Variants in OLAH observed in about 807,000 individuals in gnomAD.
OLAH encodes the protein S-acyl fatty acid synthase thioesterase, medium chain.
In OLAH, 33 loss-of-function variants were observed where a neutral mutation model predicts 27.8. That is an observed-to-expected ratio of 1.19 (90% CI 0.90 to 1.59). The LOEUF (loss-of-function observed/expected upper bound fraction) is 1.59. Among genes scored for constraint, OLAH ranks in the 40% most tolerant of loss-of-function variants. The pLI, the probability that OLAH is intolerant of heterozygous loss-of-function variation, is 0.00. For missense variants in OLAH, 359 were observed against 310.8 expected (o/e 1.16, Z -1.17); for synonymous variants, 120 against 102.9 (o/e 1.17, Z -1.01).
rs1264021756 is a variant in OLAH, at chr10:15,051,078, A to ATTAT, written c.163+1315_163+1316insATTT. 1.7e-4 allele frequency among the ~76,000 whole-genome samples: 23 copies of ATTAT among 134,840 alleles called. 1 individual carries two copies. The highest frequency in any genetic ancestry group is 6.3e-4 in the African/African-American group (22 of 35,036). The allele number at this position is 134,840 out of a possible 152,430, so 88.5% of individuals were successfully genotyped here. A position where few individuals can be genotyped will look rare whatever the true frequency, so the allele number is the denominator to read the frequency against. ...AAGACTGTTTATTATTATTATTATT[A>ATTAT]TTTTTTTTTTTTTTTGAGATGGAGT... On this transcript the variant is annotated intron_variant, in intron 3 of 7. Transcript: ENST00000378228.
In OLAH at chr10:15,061,850, T is replaced by G; in HGVS notation, c.290T>G (p.Phe97Cys). The G allele has an allele frequency of 3.1e-6, 5 of 1,613,126 alleles. No homozygotes were observed. In the South Asian group the frequency reaches 4.4e-5, roughly 14 times the overall value. Residue 97 changes from phenylalanine (F) to cysteine (C), a missense_variant, in exon 4 of 8, where the codon TTT (phenylalanine) becomes TGT (cysteine). Physicochemically the swap from Phe to Cys is radical, Grantham distance 205. Transcript: ENST00000378228. ...GTCATCCAGGATAAACCATTTGCATTTTTTGGCCACAGGTATTTGATATCT... is the reference window on the plus strand; with the variant it reads ...GTCATCCAGGATAAACCATTTGCATGTTTTGGCCACAGGTATTTGATATCT... The part of the protein sequence containing the change: ...QPVIQDKPFA[F>C]FGHSMGSYIA...
intron 3 of OLAH, among the ~76,000 whole-genome samples, chr10:15,052,934 G>T (rs576162260): frequency 5.4e-4 from 81 of 150,394 alleles, no homozygotes; most frequent in Non-Finnish European, 9.3e-4. Context: ...AGAGACGGGG[G>T]TTCACCATGT....
intron 3 of OLAH, among the ~76,000 whole-genome samples, chr10:15,061,074 T>C (rs893498732): frequency 1.3e-5 from 2 of 152,064 alleles, no homozygotes; most frequent in African/African-American, 4.8e-5. Context: ...TTCTATAAAT[T>C]TGAAGTTTAT....
intron 3 of OLAH, among the ~76,000 whole-genome samples, chr10:15,059,060 TTCCTTCCCTCTCTCCTTCCCTTCCTTCCC>T (rs1844307091): frequency 1.3e-5 from 1 of 74,470 alleles, no homozygotes; most frequent in Non-Finnish European, 2.8e-5. Flanking sequence ...ATCCCTTCCC[TTCCTTCCCTCTCTCCTTCCCTTCCTTCCC>T]TCCCTCCCTC....
At chr10:15,060,948 C>A (rs74123267) in intron 3 of OLAH, among the ~76,000 whole-genome samples, 3,380 of 152,206 alleles carry the variant, frequency 0.022, 120 homozygotes, top group African/African-American at 0.076. Context: ...ATGTTTGATT[C>A]TGGAGATGCT....
chr10:15,036,415 C>T (rs1201317696), intron 1 of OLAH, among the ~76,000 whole-genome samples: 5 of 151,744 alleles, frequency 3.3e-5, no homozygotes, highest in South Asian at 4.2e-4. Context: ...GGAGAATCGC[C>T]GAACCTGGGA....
chr10:15,060,948 CTGG>C (rs1564532264), intron 3 of OLAH, among the ~76,000 whole-genome samples: 3 of 152,096 alleles, frequency 2.0e-5, no homozygotes, highest in Non-Finnish European at 2.9e-5. Flanking sequence ...ATGTTTGATT[CTGG>C]AGATGCTTAG....
intron 3 of OLAH, among the ~76,000 whole-genome samples, chr10:15,052,254 G>C (rs1455131645): frequency 6.6e-6 from 1 of 152,152 alleles, no homozygotes; most frequent in East Asian, 1.9e-4. Flanking sequence ...CTGCACTCCA[G>C]CCTGGGCCAC....
chr10:15,042,954 G>A (rs886088446), upstream of OLAH, among the ~76,000 whole-genome samples: 15 of 137,130 alleles, frequency 1.1e-4, no homozygotes, highest in Non-Finnish European at 1.8e-4. Flanking sequence ...TCCGCCTCCC[G>A]GGTTCACACC....
At chr10:15,041,903 T>C (rs892466798), upstream of OLAH, among the ~76,000 whole-genome samples, 1 of 152,020 alleles carries the variant, frequency 6.6e-6, no homozygotes, top group Non-Finnish European at 1.5e-5. Context: ...TGGCATCCTC[T>C]GGGCTCTTCC....
At chr10:15,043,411 T>G (rs775761552), upstream of OLAH, among the ~76,000 whole-genome samples, 1 of 152,126 alleles carries the variant, frequency 6.6e-6, no homozygotes, top group Non-Finnish European at 1.5e-5. Context: ...AACTTGATTT[T>G]ACTGTCTAGT....
rs1422972011 is a variant in OLAH at position 15,073,436 on chromosome 10, G to A, written c.*207G>A. Reference sequence around the variant, plus strand: ...AGCACTTTGGGAGGCCAAGGCGGGCGGATCACGAGGTCAGGAGATCGAGAC... The same window carrying A: ...AGCACTTTGGGAGGCCAAGGCGGGCAGATCACGAGGTCAGGAGATCGAGAC... On this transcript the variant is annotated 3_prime_UTR_variant, in exon 8 of 8. Coordinates refer to ENST00000378228, the MANE Select transcript of OLAH (RefSeq NM_001039702.3). The A allele has an allele frequency of 4.1e-5, 18 of 442,454 alleles. 1 individual carries two copies. Among genetic ancestry groups the A allele is most frequent in the Admixed American group, 1.6e-4 (4 of 24,514 alleles). 27.4% of individuals were successfully genotyped at this position (442,454 alleles called of 1,614,324 possible).
At chr10:15,038,781 G>A (rs1206791203) in intron 1 of OLAH, 2 of 152,196 alleles carry the variant, frequency 1.3e-5, no homozygotes, top group African/African-American at 4.8e-5. Context: ...CATTGCAGGG[G>A]AAACAGCAGG....
intron 1 of OLAH, among the ~76,000 whole-genome samples, chr10:15,044,696 T>G (rs1216739843): frequency 6.6e-6 from 1 of 152,208 alleles, no homozygotes; most frequent in Non-Finnish European, 1.5e-5. Context: ...TCCTAAAAGC[T>G]GTTTTTACTG....
intron 1 of OLAH, among the ~76,000 whole-genome samples, chr10:15,045,752 G>C (rs942227833): frequency 1.3e-5 from 2 of 152,158 alleles, no homozygotes; most frequent in Non-Finnish European, 2.9e-5. Context: ...GAATACTTGG[G>C]ATCCAAGGAG....
chr10:15,062,830 A>T (rs374569969), intron 4 of OLAH, among the ~76,000 whole-genome samples: 1 of 150,592 alleles, frequency 6.6e-6, no homozygotes, highest in Non-Finnish European at 1.5e-5. Flanking sequence ...CCTACACCTC[A>T]TGGGTTCAAG....
chr10:15,035,277 C>T (rs2131324238), intron 1 of OLAH, among the ~76,000 whole-genome samples: 1 of 152,282 alleles, frequency 6.6e-6, no homozygotes, highest in South Asian at 2.1e-4. Flanking sequence ...TGCCAAACAG[C>T]ACTGTATTCG....
chr10:15,038,191 A>C (rs1489916153), intron 1 of OLAH, among the ~76,000 whole-genome samples: 1 of 152,180 alleles, frequency 6.6e-6, no homozygotes, highest in African/African-American at 2.4e-5. Flanking sequence ...GTATTTACCC[A>C]ATGCCTGTAC....
chr10:15,059,850 G>T (rs936744542), intron 3 of OLAH, among the ~76,000 whole-genome samples: 1 of 152,108 alleles, frequency 6.6e-6, no homozygotes, highest in Non-Finnish European at 1.5e-5. Flanking sequence ...CATTACCTTT[G>T]TATCTATGTC....
Sources: gnomAD v4.1 joint callset for allele counts (sites outside exome capture counted in the v4.1 genomes callset) on GRCh38, gnomAD v4.1.1 for gene constraint, MANE v1.5 for transcripts, NCBI Gene and HGNC (gene_info 2026-07-23, HGNC 2026-07-21) for gene names.